Variants in SLC7A14 observed in about 807,000 individuals in gnomAD.
SLC7A14 encodes the protein solute carrier family 7 member 14.
Under a neutral mutation model 60.2 loss-of-function variants are expected in SLC7A14, and 37 were observed. The ratio of observed to expected loss-of-function variants is 0.61; its 90% CI spans 0.47 to 0.81. The LOEUF (loss-of-function observed/expected upper bound fraction) is 0.81. Ranked by LOEUF, SLC7A14 falls within the 30% of genes least tolerant of loss-of-function variation. The pLI is 0.00. For synonymous variants in SLC7A14, 399 were observed against 395.8 expected (o/e 1.01, Z -0.10); for missense variants, 886 against 982.7 (o/e 0.90, Z 1.32).
At chr3:170,574,942 G>A (rs753824874) in intron 1 of SLC7A14, among the ~76,000 whole-genome samples, 1 of 152,218 alleles carries the variant, frequency 6.6e-6, no homozygotes, top group African/African-American at 2.4e-5. Context: ...CTCATCAACT[G>A]AATGGATTAG....
At chr3:170,520,264 T>C (rs965764036) in intron 2 of SLC7A14, among the ~76,000 whole-genome samples, 2 of 152,244 alleles carry the variant, frequency 1.3e-5, no homozygotes. Context: ...ACACCACTTG[T>C]CACATATGGT....
chr3:170,484,342 G>A (rs1426144736), intron 5 of SLC7A14, among the ~76,000 whole-genome samples: 1 of 152,162 alleles, frequency 6.6e-6, no homozygotes, highest in Non-Finnish European at 1.5e-5. Flanking sequence ...CTCTGCCTAC[G>A]GGGAGAAATC....
chr3:170,488,663 G>C (rs759713421), intron 4 of SLC7A14, among the ~76,000 whole-genome samples: 6 of 152,158 alleles, frequency 3.9e-5, no homozygotes, highest in Non-Finnish European at 7.4e-5. Context: ...AATGAAACTA[G>C]ACCTTTATCT....
intron 4 of SLC7A14, among the ~76,000 whole-genome samples, chr3:170,487,094 G>A (rs1270915621): frequency 2.1e-5 from 3 of 144,688 alleles, no homozygotes; most frequent in Non-Finnish European, 4.5e-5. Flanking sequence ...TGCTCCTTTT[G>A]GGGCTTGAAT....
At chr3:170,566,710 C>G (rs1003105980) in intron 1 of SLC7A14, among the ~76,000 whole-genome samples, 3 of 152,004 alleles carry the variant, frequency 2.0e-5, no homozygotes, top group African/African-American at 7.2e-5. Context: ...GAGTTTCACT[C>G]ATCCTACAGC....
At position 170,532,086 on chromosome 3, in the gene SLC7A14, C is replaced by A. The variant is rs1246826899; in HGVS notation, c.-152-4998G>T. On this transcript the variant is annotated intron_variant, in intron 1 of 7. Coordinates refer to ENST00000231706, the MANE Select transcript of SLC7A14 (RefSeq NM_020949.3). This position sits in a 1 kb window ranked among gnomAD's most constrained non-coding sequence, Gnocchi z 4.0. ...CTGATTTTGCAAATATGCTAAGGGA[C>A]TACAAAAATCCCTCATGACACACTC... Among the ~76,000 whole-genome samples the A allele has an allele frequency of 6.6e-6, 1 of 152,156 alleles. No individual in the cohort carries two copies.
chr3:170,539,315 C>T (rs1713941785), intron 1 of SLC7A14, among the ~76,000 whole-genome samples: 1 of 152,208 alleles, frequency 6.6e-6, no homozygotes, highest in Admixed American at 6.5e-5. Context: ...CTTCCAGTCT[C>T]AGCTGAAATG....
chr3:170,570,115 G>A (rs961132572), intron 1 of SLC7A14: 1 of 152,030 alleles, frequency 6.6e-6, no homozygotes, highest in African/African-American at 2.4e-5. Flanking sequence ...CTTATGCTAG[G>A]AAAGGCTTGA....
At position 170,585,085 on chromosome 3, in the gene SLC7A14, G is replaced by A. The variant is rs1179351092; in HGVS notation, c.-153+826C>T. On this transcript the variant is annotated intron_variant, in intron 1 of 7. Coordinates refer to ENST00000231706, the MANE Select transcript of SLC7A14 (RefSeq NM_020949.3). The surrounding 1 kb of genome is among the most constrained non-coding windows in gnomAD (Gnocchi z 5.1). ...AGGGTGACACAGGAGAGAGAAGGAG[G>A]GTGGGGGCTGCATCCCGCGTGGCCA... is the stretch of plus-strand genomic sequence containing the variant. 6.6e-6 allele frequency among the ~76,000 whole-genome samples: 1 copy of A among 152,192 alleles called. No homozygotes were observed. The highest frequency in any genetic ancestry group is 6.5e-5 in the Admixed American group (1 of 15,288).
At chr3:170,574,597 C>A (rs1239935038) in intron 1 of SLC7A14, among the ~76,000 whole-genome samples, 1 of 152,080 alleles carries the variant, frequency 6.6e-6, no homozygotes, top group Non-Finnish European at 1.5e-5. Context: ...TATCCTAGAC[C>A]AGAAAGTATG....
At chr3:170,519,267 G>T (rs1211733170) in intron 2 of SLC7A14, among the ~76,000 whole-genome samples, 1 of 152,144 alleles carries the variant, frequency 6.6e-6, no homozygotes, top group African/African-American at 2.4e-5. Context: ...CAGCAAACTG[G>T]AAGGCTTCAG....
intron 1 of SLC7A14, among the ~76,000 whole-genome samples, chr3:170,571,710 T>A (rs1236020622): frequency 6.6e-6 from 1 of 152,184 alleles, no homozygotes; most frequent in Non-Finnish European, 1.5e-5. Context: ...AATTAATGAA[T>A]AACTAAATGA....
intron 4 of SLC7A14, among the ~76,000 whole-genome samples, chr3:170,491,977 A>G (rs1712234041): frequency 6.6e-6 from 1 of 152,196 alleles, no homozygotes; most frequent in South Asian, 2.1e-4. Flanking sequence ...ATTAGCAAAA[A>G]GGGTCATCTT....
At chr3:170,492,809 C>T (rs1019399369) in intron 4 of SLC7A14, among the ~76,000 whole-genome samples, 2 of 152,130 alleles carry the variant, frequency 1.3e-5, no homozygotes, top group Non-Finnish European at 1.5e-5. Context: ...GCCAGTCTGC[C>T]GGATGCCTGG....
chr3:170,576,620 G>A (rs1005306855), intron 1 of SLC7A14, among the ~76,000 whole-genome samples: 2 of 152,216 alleles, frequency 1.3e-5, no homozygotes, highest in South Asian at 4.1e-4. Context: ...TCACCTGTGG[G>A]TGGAGATGAA....
chr3:170,503,435 C>T (rs752204234), intron 2 of SLC7A14, among the ~76,000 whole-genome samples: 7 of 151,930 alleles, frequency 4.6e-5, no homozygotes, highest in Non-Finnish European at 7.4e-5. Flanking sequence ...TCTTGGATGC[C>T]GTGTGTTTTC....
In SLC7A14 at chr3:170,532,705, C is replaced by T. The variant is rs1713717031; in HGVS notation, c.-152-5617G>A. Among the ~76,000 whole-genome samples the T allele has an allele frequency of 6.6e-6, 1 of 151,618 alleles. No individual in the cohort carries two copies. Among genetic ancestry groups the T allele is most frequent in the Non-Finnish European group, 1.5e-5 (1 of 67,928 alleles). On this transcript the variant is annotated intron_variant, in intron 1 of 7. Coordinates refer to ENST00000231706, the MANE Select transcript of SLC7A14 (RefSeq NM_020949.3). The surrounding 1 kb of genome is among the most constrained non-coding windows in gnomAD (Gnocchi z 4.0). ...TTTTTGTTGTTGTTGTTCCCTGCTA[C>T]TGACACCCTTCCCACCACCTTCACC...
chr3:170,563,230 T>C (rs1318329734), intron 1 of SLC7A14, among the ~76,000 whole-genome samples: 1 of 152,012 alleles, frequency 6.6e-6, no homozygotes, highest in African/African-American at 2.4e-5. Flanking sequence ...TTAAAAAAAG[T>C]CAATACAATA....
intron 2 of SLC7A14, among the ~76,000 whole-genome samples, chr3:170,512,732 C>T (rs1043644736): frequency 8.0e-5 from 11 of 137,294 alleles, no homozygotes; most frequent in Non-Finnish European, 1.2e-4. Context: ...GGAACCATCT[C>T]GGCTCACTGC....
Sources: allele counts gnomAD v4.1 joint callset (sites outside exome capture counted in the v4.1 genomes callset), GRCh38; gene constraint gnomAD v4.1.1; non-coding constraint Gnocchi (gnomAD v3.1); transcripts MANE v1.5; gene names NCBI Gene and HGNC (gene_info 2026-07-23, HGNC 2026-07-21).